Variants in TNIK observed in about 807,000 individuals in gnomAD.
The protein encoded by TNIK is TRAF2 and NCK interacting kinase, also known as TRAF2 and NCK-interacting protein kinase.
In TNIK, 49 loss-of-function variants were observed where a neutral mutation model predicts 191.3. The observed-to-expected ratio is 0.26, with a 90% CI of 0.20 to 0.32. TNIK has a LOEUF of 0.32. Ranked by LOEUF, TNIK falls within the 10% of genes least tolerant of loss-of-function variation. The pLI is 1.00. For missense variants in TNIK, 1,155 were observed against 1,702.3 expected (o/e 0.68, Z 5.66); for synonymous variants, 594 against 600.9 (o/e 0.99, Z 0.17).
intron 2 of TNIK, among the ~76,000 whole-genome samples, chr3:171,254,025 A>G (rs1353640489): frequency 2.0e-5 from 3 of 152,190 alleles, no homozygotes; most frequent in East Asian, 1.9e-4. Flanking sequence ...CCCTCTTTAC[A>G]TTTAGTGTTT....
At chr3:171,218,605 ATAAC>A (rs1026725206) in intron 3 of TNIK, among the ~76,000 whole-genome samples, 10 of 151,190 alleles carry the variant, frequency 6.6e-5, no homozygotes, top group South Asian at 2.1e-4. Flanking sequence ...ATTGGGAAAA[ATAAC>A]TAGCAAGTTC....
intron 1 of TNIK, among the ~76,000 whole-genome samples, chr3:171,412,648 T>C (rs539565429): frequency 6.6e-6 from 1 of 152,330 alleles, no homozygotes; most frequent in Admixed American, 6.5e-5. Context: ...TTTATACTCC[T>C]AACCACCACA....
At chr3:171,420,860 A>C (rs970796406) in intron 1 of TNIK, among the ~76,000 whole-genome samples, 1 of 152,230 alleles carries the variant, frequency 6.6e-6, no homozygotes, top group Non-Finnish European at 1.5e-5. Context: ...GTGTGGATAC[A>C]CTAGACAAGG....
At chr3:171,131,886 T>C (rs1729352267) in intron 15 of TNIK, among the ~76,000 whole-genome samples, 2 of 152,194 alleles carry the variant, frequency 1.3e-5, no homozygotes, top group African/African-American at 4.8e-5. Context: ...ATTATTTTCA[T>C]ACTAGACAAA....
At chr3:171,292,989 A>C (rs1751857081) in intron 2 of TNIK, among the ~76,000 whole-genome samples, 1 of 152,046 alleles carries the variant, frequency 6.6e-6, no homozygotes, top group Non-Finnish European at 1.5e-5. Flanking sequence ...TTCTGCAAAA[A>C]CAGACAACTC....
intron 2 of TNIK, among the ~76,000 whole-genome samples, chr3:171,340,920 C>T (rs1485460552): frequency 6.6e-6 from 1 of 151,590 alleles, no homozygotes; most frequent in Non-Finnish European, 1.5e-5. Context: ...AAAAAAAAGC[C>T]TACAAATTTG....
rs748007538 is a variant in TNIK, at chr3:171,066,672, G to A, written c.3763C>T (p.Leu1255Phe). Residue 1255 changes from leucine (L) to phenylalanine (F), a missense_variant, in exon 31 of 33, where the codon CTT (leucine) becomes TTT (phenylalanine). Around this residue, in one of 3 missense-constraint regions of TNIK, gnomAD observed 195 missense variants for 415.4 expected, o/e 0.47. Transcript: ENST00000436636. ...ACCCCCTCATCCTCATAGCAAACAA[G>A]CATTTCCATTCCATCTGTTTTAGGC... ...ILPKTDGMEM[L>F]VCYEDEGVYV... 1 of 1,613,780 alleles carries A rather than the reference G, an allele frequency of 6.2e-7. No individual in the cohort carries two copies. The highest frequency in any genetic ancestry group is 1.1e-5 in the South Asian group (1 of 91,070).
intron 18 of TNIK, 21 bp from the exon 19 acceptor site, chr3:171,110,898 A>T: frequency 6.3e-7 from 1 of 1,581,002 alleles, no homozygotes. Context: ...GACAGAGCAC[A>T]CTGGTTACAC....
chr3:171,391,470 C>T (rs1159927323), intron 1 of TNIK, among the ~76,000 whole-genome samples: 1 of 152,222 alleles, frequency 6.6e-6, no homozygotes, highest in Non-Finnish European at 1.5e-5. Flanking sequence ...GGAGGCAACT[C>T]TTATTGCTGA....
intron 7 of TNIK, among the ~76,000 whole-genome samples, chr3:171,179,018 T>A (rs546117201): frequency 1.6e-4 from 24 of 152,104 alleles, no homozygotes; most frequent in Admixed American, 5.2e-4. Flanking sequence ...TTCTAGGGGG[T>A]CTAGCCTCTT....
chr3:171,279,753 G>A (rs1488554965), intron 2 of TNIK, among the ~76,000 whole-genome samples: 1 of 152,104 alleles, frequency 6.6e-6, no homozygotes, highest in Non-Finnish European at 1.5e-5. Context: ...ACTTAATACA[G>A]CAACCCTACA....
intron 18 of TNIK, among the ~76,000 whole-genome samples, chr3:171,114,204 C>T (rs929673199): frequency 5.3e-5 from 8 of 152,134 alleles, no homozygotes; most frequent in Non-Finnish European, 4.4e-5. Flanking sequence ...TGTCAGCTTC[C>T]TCTCTGTTCC....
At chr3:171,399,459 C>T (rs1449574778) in intron 1 of TNIK, among the ~76,000 whole-genome samples, 4 of 152,164 alleles carry the variant, frequency 2.6e-5, no homozygotes, top group African/African-American at 9.6e-5. Context: ...AAGAAATCAC[C>T]AGCAATGCAC....
intron 2 of TNIK, among the ~76,000 whole-genome samples, chr3:171,241,317 T>C (rs1744959533): frequency 6.6e-6 from 1 of 152,138 alleles, no homozygotes. Context: ...GCACTTCTGT[T>C]CTCTTTTTAA....
At chr3:171,351,873 C>G (rs1292865025) in intron 2 of TNIK, among the ~76,000 whole-genome samples, 1 of 152,210 alleles carries the variant, frequency 6.6e-6, no homozygotes, top group Non-Finnish European at 1.5e-5. Flanking sequence ...CCATTCAACA[C>G]AAAAGTTAAA....
At chr3:171,153,187 T>C (rs543162444) in intron 12 of TNIK, among the ~76,000 whole-genome samples, 1 of 152,278 alleles carries the variant, frequency 6.6e-6, no homozygotes, top group Admixed American at 6.5e-5. Context: ...TCCTTATGCT[T>C]GCATACTAAA....
intron 3 of TNIK, among the ~76,000 whole-genome samples, chr3:171,227,063 C>T (rs1437638996): frequency 6.6e-6 from 1 of 151,992 alleles, no homozygotes; most frequent in Non-Finnish European, 1.5e-5. Flanking sequence ...TTTTAGCTTT[C>T]ATGTACAGCA....
In TNIK at chr3:171,329,101, C is replaced by CAT. The variant is rs994522219; in HGVS notation, c.123+40517_123+40518dup. 1.9e-3 allele frequency among the ~76,000 whole-genome samples: 287 copies of CAT among 152,240 alleles called. 1 individual carries two copies. Among genetic ancestry groups the CAT allele is most frequent in the African/African-American group, 6.7e-3 (279 of 41,548 alleles). On this transcript the variant is annotated intron_variant, in intron 2 of 32. Transcript: ENST00000436636. Reference sequence around the variant, plus strand: ...ATCCCTTGCTATATACACACACACACATACACACACTCCTTACACCCTATT... The same window carrying CAT: ...ATCCCTTGCTATATACACACACACACATATACACACACTCCTTACACCCTATT...
chr3:171,233,243 T>TCC lies in TNIK; in HGVS notation c.124-5024_124-5023dup, dbSNP rs369084531. On this transcript the variant is annotated intron_variant, in intron 2 of 32. Transcript: ENST00000436636. ...CAATTTCCTAATTGCAAATGAGTAC[T>TCC]CCACCTTTGTGTTTCCACAGAATAC... Among the ~76,000 whole-genome samples the TCC allele has an allele frequency of 1.5e-3, 222 of 152,302 alleles. 1 individual carries two copies. Among genetic ancestry groups the TCC allele is most frequent in the Admixed American group, 4.1e-3 (62 of 15,296 alleles).
Sources: allele counts gnomAD v4.1 joint callset (sites outside exome capture counted in the v4.1 genomes callset), GRCh38; gene constraint gnomAD v4.1.1; regional missense constraint gnomAD v4.1.1; transcripts MANE v1.5; gene names NCBI Gene and HGNC (gene_info 2026-07-23, HGNC 2026-07-21).